The following TYW1 variants were observed in gnomAD, a reference collection of about 807,000 sequenced individuals.
TYW1 encodes tRNA-yW synthesizing protein 1 homolog, also known as S-adenosyl-L-methionine-dependent tRNA 4-demethylwyosine synthase TYW1.
Under a neutral mutation model 96.2 loss-of-function variants are expected in TYW1, and 46 were observed. That is an observed-to-expected ratio of 0.48 (90% CI 0.38 to 0.61). The LOEUF (loss-of-function observed/expected upper bound fraction) is 0.61. Among genes scored for constraint, TYW1 ranks in the 20% least tolerant of loss-of-function variants. The pLI, the probability that TYW1 is intolerant of heterozygous loss-of-function variation, is 0.00. For synonymous variants in TYW1, 274 were observed against 323.0 expected (o/e 0.85, Z 1.63); for missense variants, 684 against 909.6 (o/e 0.75, Z 3.19).
intron 6 of TYW1, 119 bp from the exon 7 acceptor site, chr7:67,024,780 CA>C: frequency 7.1e-7 from 1 of 1,405,532 alleles, no homozygotes; most frequent in Non-Finnish European, 9.3e-7. Context: ...GACCCTGTCT[CA>C]AAGAAAAAAA....
At chr7:67,172,674 C>T (rs1363379778) in intron 13 of TYW1, among the ~76,000 whole-genome samples, 1 of 152,182 alleles carries the variant, frequency 6.6e-6, no homozygotes, top group African/African-American at 2.4e-5. Context: ...CTGCTCACCT[C>T]GGCCTCCCAG....
At chr7:67,015,456 A>G (rs1223660232) in intron 5 of TYW1, among the ~76,000 whole-genome samples, 1 of 152,040 alleles carries the variant, frequency 6.6e-6, no homozygotes, top group Middle Eastern at 3.2e-3. Context: ...GGCTCAAGGG[A>G]TCCTCCCAAG....
chr7:67,077,779 G>GC (rs1231767443), intron 10 of TYW1, among the ~76,000 whole-genome samples: 6 of 152,072 alleles, frequency 3.9e-5, no homozygotes, highest in African/African-American at 9.7e-5. Flanking sequence ...TACTTTTGTT[G>GC]CCTGTAATTT....
chr7:67,068,440 A>G (rs1335962499), intron 10 of TYW1, among the ~76,000 whole-genome samples: 3 of 152,186 alleles, frequency 2.0e-5, no homozygotes, highest in Non-Finnish European at 4.4e-5. Flanking sequence ...CTTCCTTACT[A>G]TCAGATCTAA....
At chr7:67,037,097 G>GC (rs1412426073) in intron 7 of TYW1, among the ~76,000 whole-genome samples, 1 of 152,184 alleles carries the variant, frequency 6.6e-6, no homozygotes, top group Admixed American at 6.5e-5. Flanking sequence ...TCAGTCTTGA[G>GC]CACCCCCTCT....
At chr7:67,225,190 CAAAAA>C (rs10600752) in intron 15 of TYW1, among the ~76,000 whole-genome samples, 27,371 of 77,478 alleles carry the variant, frequency 0.35, 2,560 homozygotes, top group African/African-American at 0.4. Context: ...GACTCCGTCT[CAAAAA>C]AAAAAAAAAA....
chr7:67,077,935 C>A (rs1796255586), intron 10 of TYW1, among the ~76,000 whole-genome samples: 2 of 151,782 alleles, frequency 1.3e-5, no homozygotes, highest in Non-Finnish European at 3.0e-5. Context: ...TGTCTTTCCC[C>A]ACTGCATGAC....
At chr7:67,098,791 A>C (rs1449063274) in intron 12 of TYW1, 73 bp downstream of exon 12, 1 of 1,430,180 alleles carries the variant, frequency 7.0e-7, no homozygotes, top group Non-Finnish European at 9.4e-7. Flanking sequence ...AATAGGCATT[A>C]ATGCAATCAA....
chr7:67,162,910 G>A (rs1347781707), intron 13 of TYW1, among the ~76,000 whole-genome samples: 2 of 152,312 alleles, frequency 1.3e-5, no homozygotes, highest in African/African-American at 4.8e-5. Flanking sequence ...TCTTCTCCCA[G>A]ATGGAAAGTA....
chr7:67,163,705 G>A (rs1003689936), intron 13 of TYW1, among the ~76,000 whole-genome samples: 12 of 147,022 alleles, frequency 8.2e-5, no homozygotes, highest in African/African-American at 3.0e-4. Flanking sequence ...GTCTTGCTCT[G>A]TCGCTCAGGC....
intron 12 of TYW1, among the ~76,000 whole-genome samples, chr7:67,103,569 G>A (rs73136205): frequency 0.065 from 9,835 of 152,156 alleles, 440 homozygotes; most frequent in South Asian, 0.11. Flanking sequence ...AACTAAGGAC[G>A]CTCCCTGCCA....
intron 7 of TYW1, among the ~76,000 whole-genome samples, chr7:67,027,972 T>C (rs1221114903): frequency 4.7e-5 from 7 of 148,396 alleles, no homozygotes; most frequent in African/African-American, 1.7e-4. Context: ...TGGTGGCTCA[T>C]GCTTGTAATC....
chr7:67,032,890 T>G lies in TYW1; in HGVS notation c.984+7868T>G, dbSNP rs1441987022. On this transcript the variant is annotated intron_variant, in intron 7 of 15. Coordinates refer to ENST00000359626, the MANE Select transcript of TYW1 (RefSeq NM_018264.4). The stretch of plus-strand genomic sequence containing the variant: ...CCAGCAGCAGAGAAGTATACCTTTT[T>G]TTTTTTTTTTTTTTTTTTTTTTTTG... Among the ~76,000 whole-genome samples the G allele has an allele frequency of 1.1e-3, 103 of 91,036 alleles. 1 individual carries two copies. The highest frequency in any genetic ancestry group is 1.8e-3 in the Non-Finnish European group (76 of 43,224). The allele number at this position is 91,036 out of a possible 152,430, so 59.7% of individuals were successfully genotyped here.
chr7:67,076,440 G>C (rs117903926), intron 10 of TYW1, among the ~76,000 whole-genome samples: 9,197 of 152,042 alleles, frequency 0.06, 389 homozygotes, highest in Non-Finnish European at 0.074. Context: ...AAAAGCCAAT[G>C]ATTTATAAAC....
intron 15 of TYW1, among the ~76,000 whole-genome samples, chr7:67,226,849 A>C (rs914251191): frequency 6.6e-6 from 1 of 152,000 alleles, no homozygotes; most frequent in African/African-American, 2.4e-5. Flanking sequence ...CTCTACTCCC[A>C]CACAGTTAAC....
chr7:67,211,396 T>C (rs1019817272), intron 15 of TYW1, among the ~76,000 whole-genome samples: 2 of 151,392 alleles, frequency 1.3e-5, no homozygotes, highest in African/African-American at 4.9e-5. Context: ...GTTTTTGACT[T>C]ATTATGGGTT....
intron 11 of TYW1, among the ~76,000 whole-genome samples, chr7:67,095,715 A>C (rs1355974732): frequency 0.028 from 3,107 of 110,296 alleles, 43 homozygotes; most frequent in South Asian, 0.046. Context: ...CAGCAGCAGC[A>C]GCAGCCCCTA....
At chr7:67,071,895 T>C (rs1357287760) in intron 10 of TYW1, among the ~76,000 whole-genome samples, 6 of 151,980 alleles carry the variant, frequency 3.9e-5, no homozygotes, top group Non-Finnish European at 7.4e-5. Flanking sequence ...GTGCCGGGAT[T>C]ACAGACTTGA....
intron 12 of TYW1, among the ~76,000 whole-genome samples, chr7:67,109,700 G>C (rs1417550106): frequency 2.0e-5 from 3 of 152,090 alleles, no homozygotes; most frequent in African/African-American, 7.2e-5. Flanking sequence ...GACCTACATA[G>C]TGAAACCCTG....
Sources: allele counts gnomAD v4.1 joint callset (sites outside exome capture counted in the v4.1 genomes callset), GRCh38; gene constraint gnomAD v4.1.1; transcripts MANE v1.5; gene names NCBI Gene and HGNC (gene_info 2026-07-23, HGNC 2026-07-21).